NEK11: variants seen among roughly 807,000 people sequenced by gnomAD.
NEK11 encodes the protein serine/threonine-protein kinase Nek11.
In NEK11, 72 loss-of-function variants were observed where a neutral mutation model predicts 80.7. That is an observed-to-expected ratio of 0.89 (90% CI 0.74 to 1.08). The LOEUF (loss-of-function observed/expected upper bound fraction) is 1.08, where lower values mean the gene tolerates loss of function less well. Among genes scored for constraint, NEK11 ranks in the 50% least tolerant of loss-of-function variants. The pLI is 0.00. For synonymous variants in NEK11, 251 were observed against 260.7 expected (o/e 0.96, Z 0.36); for missense variants, 764 against 763.6 (o/e 1.00, Z -0.01).
chr3:131,139,430 G>T (rs1404182333), intron 7 of NEK11, among the ~76,000 whole-genome samples: 1 of 151,426 alleles, frequency 6.6e-6, no homozygotes, highest in Non-Finnish European at 1.5e-5. Flanking sequence ...AAGAGTTATT[G>T]GCCTTAAAGA....
intron 17 of NEK11, among the ~76,000 whole-genome samples, chr3:131,278,858 G>T (rs945775401): frequency 6.6e-6 from 1 of 151,974 alleles, no homozygotes; most frequent in African/African-American, 2.4e-5. Context: ...CCTGCACCAG[G>T]GACATCATCT....
chr3:131,091,987 G>T (rs1457702583), intron 4 of NEK11, among the ~76,000 whole-genome samples: 3 of 152,212 alleles, frequency 2.0e-5, no homozygotes, highest in Non-Finnish European at 4.4e-5. Flanking sequence ...CCTGTGATTG[G>T]CTGAAACTCA....
intron 3 of NEK11, among the ~76,000 whole-genome samples, chr3:131,045,295 A>G (rs564331846): frequency 5.9e-5 from 9 of 152,324 alleles, no homozygotes; most frequent in South Asian, 2.1e-4. Flanking sequence ...ATTTAAGTCT[A>G]TGAATTTTCC....
chr3:131,294,095 C>T (rs2109024402), intron 17 of NEK11, among the ~76,000 whole-genome samples: 1 of 151,990 alleles, frequency 6.6e-6, no homozygotes, highest in East Asian at 1.9e-4. Context: ...CTAATTCTTA[C>T]TTCTTTCCTT....
chr3:131,265,676 CT>C (rs976791075), intron 16 of NEK11, among the ~76,000 whole-genome samples: 50 of 151,784 alleles, frequency 3.3e-4, no homozygotes, highest in Admixed American at 5.9e-4. Flanking sequence ...CTGAAATTTT[CT>C]TTTTTTTGTT....
intron 3 of NEK11, among the ~76,000 whole-genome samples, chr3:131,079,474 A>G (rs948072141): frequency 1.2e-4 from 18 of 152,244 alleles, no homozygotes; most frequent in Non-Finnish European, 2.4e-4. Context: ...CACTTGCCCT[A>G]ATGAACTGCC....
intron 16 of NEK11, among the ~76,000 whole-genome samples, chr3:131,254,132 A>G (rs901986677): frequency 4.6e-5 from 7 of 152,184 alleles, no homozygotes; most frequent in Admixed American, 2.6e-4. Flanking sequence ...TTCATAAGAC[A>G]TAAATCTCTA....
chr3:131,029,590 T>C (rs1385324799), intron 2 of NEK11, 23 bp from the exon 3 acceptor site: 1 of 980,232 alleles, frequency 1.0e-6, no homozygotes, highest in Non-Finnish European at 1.5e-6. Context: ...TTAGACCTGA[T>C]CTTTTAACTT....
intron 4 of NEK11, among the ~76,000 whole-genome samples, chr3:131,102,761 A>T (rs1411364746): frequency 6.6e-6 from 1 of 152,140 alleles, no homozygotes; most frequent in East Asian, 1.9e-4. Context: ...ATATCCTCAA[A>T]TATATTATCT....
At chr3:131,078,065 C>T (rs1449042945) in intron 3 of NEK11, among the ~76,000 whole-genome samples, 1 of 152,188 alleles carries the variant, frequency 6.6e-6, no homozygotes, top group Non-Finnish European at 1.5e-5. Flanking sequence ...GAGTCCTTGC[C>T]TGTGAGGTTC....
At chr3:131,083,148 G>A (rs529330477) in intron 4 of NEK11, among the ~76,000 whole-genome samples, 5 of 152,306 alleles carry the variant, frequency 3.3e-5, no homozygotes, top group African/African-American at 4.8e-5. Context: ...TGACAAGCCT[G>A]CCAAATGAGC....
intron 17 of NEK11, chr3:131,326,174 T>C (rs748800201): frequency 2.0e-5 from 3 of 152,234 alleles, no homozygotes; most frequent in Non-Finnish European, 4.4e-5. Context: ...AGAATCCTTA[T>C]GTAATGGGTA....
chr3:131,316,992 C>A (rs1251911197), intron 17 of NEK11, among the ~76,000 whole-genome samples: 30 of 152,168 alleles, frequency 2.0e-4, no homozygotes, highest in Admixed American at 2.0e-3. Context: ...TTAAAAATGG[C>A]TTAAAATTTC....
chr3:131,062,638 CT>C (rs1354446995), intron 3 of NEK11, among the ~76,000 whole-genome samples: 1 of 152,198 alleles, frequency 6.6e-6, no homozygotes, highest in Non-Finnish European at 1.5e-5. Flanking sequence ...ATAGGTAAGT[CT>C]TTTCTAGCGT....
intron 5 of NEK11, among the ~76,000 whole-genome samples, chr3:131,131,910 A>G (rs2084557021): frequency 6.6e-6 from 1 of 151,784 alleles, no homozygotes; most frequent in South Asian, 2.1e-4. Context: ...TTTCATTTTC[A>G]TTTAGTTCAA....
chr3:131,288,456 T>TCTTTCTTTC (rs377246563), intron 17 of NEK11, among the ~76,000 whole-genome samples: 1 of 140,972 alleles, frequency 7.1e-6, no homozygotes, highest in African/African-American at 2.6e-5. Flanking sequence ...CTTTCTTTTT[T>TCTTTCTTTC]TTTTTTTTTT....
rs758795632 is a variant in NEK11 at position 131,255,086 on chromosome 3, A to C, written c.1621+11590A>C. On this transcript the variant is annotated intron_variant, in intron 16 of 17. Coordinates refer to ENST00000383366, the MANE Select transcript of NEK11 (RefSeq NM_024800.5). The stretch of plus-strand genomic sequence containing the variant: ...ACAGACAGACAGAAAGAAGGAAAGA[A>C]AGAAAGAAAGAAAGAAAGAAAGAAA... Among the ~76,000 whole-genome samples, 321 of 96,102 alleles carry C rather than the reference A, an allele frequency of 3.3e-3. 2 individuals are homozygous for C. The East Asian group carries it at 0.036, about 11-fold the overall frequency. The allele number at this position is 96,102 out of a possible 152,430, so 63.0% of individuals were successfully genotyped here.
intron 14 of NEK11, among the ~76,000 whole-genome samples, chr3:131,199,065 T>C (rs965483882): frequency 5.9e-5 from 9 of 152,160 alleles, no homozygotes; most frequent in Non-Finnish European, 7.3e-5. Context: ...AGCTGAGCCT[T>C]TGGTTTGGAA....
intron 3 of NEK11, among the ~76,000 whole-genome samples, chr3:131,059,311 G>A (rs2070339295): frequency 6.6e-6 from 1 of 152,148 alleles, no homozygotes; most frequent in African/African-American, 2.4e-5. Context: ...CATTAAGTGT[G>A]CAGGTTTTTT....
Sources: gnomAD v4.1 joint callset for allele counts (sites outside exome capture counted in the v4.1 genomes callset) on GRCh38, gnomAD v4.1.1 for gene constraint, MANE v1.5 for transcripts, NCBI Gene and HGNC (gene_info 2026-07-23, HGNC 2026-07-21) for gene names.